The following REEP3 variants were observed in gnomAD, a reference collection of about 807,000 sequenced individuals.
REEP3 encodes the protein receptor accessory protein 3.
Under a neutral mutation model 41.3 loss-of-function variants are expected in REEP3, and 20 were observed. The ratio of observed to expected loss-of-function variants is 0.48; its 90% confidence interval spans 0.34 to 0.70. The LOEUF is 0.70. Among genes scored for constraint, REEP3 ranks in the 30% least tolerant of loss-of-function variants. The pLI is 0.01. For missense variants in REEP3, 271 were observed against 308.8 expected (o/e 0.88, Z 0.92); for synonymous variants, 104 against 101.8 (o/e 1.02, Z -0.13).
chr10:63,542,334 C>T (rs1955536675), intron 1 of REEP3, among the ~76,000 whole-genome samples: 1 of 152,124 alleles, frequency 6.6e-6, no homozygotes, highest in South Asian at 2.1e-4. Flanking sequence ...CCTCTGTCTC[C>T]CAAAGTGCTG....
chr10:63,613,575 C>T (rs925737251), intron 6 of REEP3, among the ~76,000 whole-genome samples: 3 of 152,042 alleles, frequency 2.0e-5, no homozygotes, highest in African/African-American at 4.8e-5. Flanking sequence ...CTCTCTTGAC[C>T]GTATTTTTAA....
chr10:63,542,766 T>C (rs1463413785), intron 1 of REEP3, among the ~76,000 whole-genome samples: 4 of 152,196 alleles, frequency 2.6e-5, no homozygotes, highest in African/African-American at 9.7e-5. Flanking sequence ...CATCTTAATA[T>C]CATGTAGATG....
chr10:63,521,605 C>T, intron 1 of REEP3, 28 bp downstream of exon 1: 2 of 1,392,424 alleles, frequency 1.4e-6, no homozygotes, highest in Non-Finnish European at 9.5e-7. Context: ...CGCCCTGCAG[C>T]CGGCGCGAGG....
intron 2 of REEP3, among the ~76,000 whole-genome samples, chr10:63,569,198 T>G (rs1955831089): frequency 6.6e-6 from 1 of 152,186 alleles, no homozygotes; most frequent in Non-Finnish European, 1.5e-5. Flanking sequence ...CATGAAAATA[T>G]GAGTTGAAGA....
At chr10:63,617,812 CTTTTTTTTTTTTTTT>C (rs60910642) in intron 6 of REEP3, among the ~76,000 whole-genome samples, 1 of 83,502 alleles carries the variant, frequency 1.2e-5, no homozygotes, top group East Asian at 5.0e-4. Flanking sequence ...TCCTTCTACT[CTTTTTTTTTTTTTTT>C]TTTTTTTTTT....
intron 5 of REEP3, among the ~76,000 whole-genome samples, chr10:63,607,930 G>C (rs1956243559): frequency 6.6e-6 from 1 of 152,196 alleles, no homozygotes; most frequent in Admixed American, 6.5e-5. Context: ...ATCCTGAAAT[G>C]TACCTTCTTG....
At chr10:63,558,165 T>A (rs763792847) in intron 1 of REEP3, among the ~76,000 whole-genome samples, 18 of 152,330 alleles carry the variant, frequency 1.2e-4, no homozygotes, top group Non-Finnish European at 2.5e-4. Context: ...TTTAGGAATA[T>A]AACCTAGTAA....
intron 2 of REEP3, among the ~76,000 whole-genome samples, chr10:63,569,863 G>A (rs909997916): frequency 1.3e-5 from 2 of 151,956 alleles, no homozygotes; most frequent in African/African-American, 4.8e-5. Context: ...AATCACCTGA[G>A]CCTGGGAGTC....
chr10:63,606,179 T>TCC, intron 5 of REEP3: 1 of 731,696 alleles, frequency 1.4e-6, no homozygotes, highest in Non-Finnish European at 1.7e-6. Context: ...AATATGGAAT[T>TCC]ATCTTGTGAA....
chr10:63,594,675 A>G (rs192936646), intron 2 of REEP3, 103 bp from the exon 3 acceptor site: 7 of 760,960 alleles, frequency 9.2e-6, no homozygotes, highest in Admixed American at 8.6e-5. Context: ...CATACATAAT[A>G]TGAAATTATT....
intron 2 of REEP3, 136 bp downstream of exon 2, chr10:63,566,546 A>G: frequency 3.6e-6 from 2 of 562,778 alleles, no homozygotes; most frequent in Non-Finnish European, 6.2e-6. Flanking sequence ...TAACAAAACT[A>G]ATCTTTTTTA....
chr10:63,533,123 AC>A (rs1463088071), intron 1 of REEP3, among the ~76,000 whole-genome samples: 3 of 152,200 alleles, frequency 2.0e-5, no homozygotes, highest in Non-Finnish European at 4.4e-5. Flanking sequence ...GTATACCATC[AC>A]TAGAGGCATA....
chr10:63,523,637 G>GA (rs572536020), intron 1 of REEP3, among the ~76,000 whole-genome samples: 36 of 150,814 alleles, frequency 2.4e-4, no homozygotes, highest in East Asian at 2.1e-3. Flanking sequence ...CTGTGCCTCA[G>GA]AAAAAAAACA....
At chr10:63,546,598 A>T (rs1262854947) in intron 1 of REEP3, among the ~76,000 whole-genome samples, 2 of 152,242 alleles carry the variant, frequency 1.3e-5, no homozygotes, top group Non-Finnish European at 2.9e-5. Context: ...GGAATAAGTT[A>T]CTTATATCAA....
intron 1 of REEP3, among the ~76,000 whole-genome samples, chr10:63,527,522 A>G (rs1031845253): frequency 6.6e-5 from 10 of 151,890 alleles, no homozygotes; most frequent in Non-Finnish European, 2.9e-5. Flanking sequence ...AAATACAAAA[A>G]ACAAAAAAAT....
chr10:63,594,933 T>G, intron 3 of REEP3, 79 bp downstream of exon 3: 1 of 888,944 alleles, frequency 1.1e-6, no homozygotes, highest in Non-Finnish European at 1.9e-6. Context: ...CTCTTGCTAT[T>G]AACTGAGTGA....
At chr10:63,607,451 G>A (rs1956239241) in intron 5 of REEP3, among the ~76,000 whole-genome samples, 1 of 152,150 alleles carries the variant, frequency 6.6e-6, no homozygotes, top group Non-Finnish European at 1.5e-5. Context: ...CCTTGCTCAT[G>A]TTTATTCTGA....
At chr10:63,572,305 CTT>C (rs11397106) in intron 2 of REEP3, among the ~76,000 whole-genome samples, 1 of 148,976 alleles carries the variant, frequency 6.7e-6, no homozygotes, top group Non-Finnish European at 1.5e-5. Context: ...TTTAAACCGA[CTT>C]TTTTTTTTTA....
chr10:63,570,191 G>GATA (rs2133379115), intron 2 of REEP3, among the ~76,000 whole-genome samples: 1 of 152,212 alleles, frequency 6.6e-6, no homozygotes, highest in African/African-American at 2.4e-5. Flanking sequence ...ACTTTATAAA[G>GATA]ATAATTGCTT....
Sources: gnomAD v4.1 joint callset for allele counts (sites outside exome capture counted in the v4.1 genomes callset) on GRCh38, gnomAD v4.1.1 for gene constraint, MANE v1.5 for transcripts, NCBI Gene and HGNC (gene_info 2026-07-23, HGNC 2026-07-21) for gene names.